The following SFXN5 variants were observed in gnomAD, a reference collection of about 807,000 sequenced individuals.
SFXN5 encodes sideroflexin-5.
SFXN5 carries 43 observed loss-of-function variants against 50.2 expected under a neutral mutation model. That is an observed-to-expected ratio of 0.86 (90% CI 0.67 to 1.11). SFXN5 has a LOEUF of 1.11. SFXN5 is among the 50% of genes least tolerant of loss of function. The pLI, the probability that SFXN5 is intolerant of heterozygous loss-of-function variation, is 0.00. For synonymous variants in SFXN5, 203 were observed against 185.8 expected, an observed-to-expected ratio of 1.09 and a Z score of -0.75; for missense variants, 463 against 454.1, an observed-to-expected ratio of 1.02 and a Z score of -0.18.
Position 72,943,261 on chromosome 2 carries a change from C to G in SFXN5, c.*1761G>C, listed in dbSNP as rs1040510489. 11 of 152,354 alleles carry G rather than the reference C, an allele frequency of 7.2e-5. No individual in the cohort carries two copies. The highest frequency in any genetic ancestry group is 1.5e-4 in the Non-Finnish European group (10 of 68,142). The allele number at this position is 152,354 out of a possible 1,614,324, so 9.4% of individuals were successfully genotyped here. On this transcript the variant is annotated 3_prime_UTR_variant, in exon 14 of 14. Coordinates refer to ENST00000272433, the MANE Select transcript of SFXN5 (RefSeq NM_144579.3). ...ACGGCCATGCCCATGGAAGGCCCAC[C>G]TCAGCACACTTCCCCTACCCTAAGA...
intron 6 of SFXN5, among the ~76,000 whole-genome samples, chr2:73,003,275 C>G (rs2105709909): frequency 6.6e-6 from 1 of 152,292 alleles, no homozygotes; most frequent in South Asian, 2.1e-4. Flanking sequence ...ATCCCCTGAT[C>G]TGGAGTCTAC....
intron 12 of SFXN5, among the ~76,000 whole-genome samples, chr2:72,964,090 A>C (rs1426420679): frequency 6.6e-6 from 1 of 152,174 alleles, no homozygotes; most frequent in African/African-American, 2.4e-5. Flanking sequence ...AAGCCCAGGG[A>C]CCTTGGCTCT....
chr2:73,020,085 G>C (rs1676666424), intron 6 of SFXN5, 154 bp downstream of exon 6: 1 of 678,296 alleles, frequency 1.5e-6, no homozygotes, highest in East Asian at 2.8e-5. Flanking sequence ...AAGAGATGTG[G>C]TAAGAAATAC....
At chr2:72,974,046 A>G (rs1410567563) in intron 10 of SFXN5, among the ~76,000 whole-genome samples, 6 of 152,208 alleles carry the variant, frequency 3.9e-5, no homozygotes, top group Non-Finnish European at 8.8e-5. Flanking sequence ...TGGGGACTTG[A>G]GCCATTGCCA....
chr2:72,959,743 G>C (rs1469817243), intron 13 of SFXN5, among the ~76,000 whole-genome samples: 1 of 152,050 alleles, frequency 6.6e-6, no homozygotes, highest in Non-Finnish European at 1.5e-5. Context: ...AAATCGTCCT[G>C]TCAGCGTCCT....
intron 10 of SFXN5, 83 bp downstream of exon 10, chr2:72,988,175 G>A: frequency 7.7e-7 from 1 of 1,303,712 alleles, no homozygotes; most frequent in South Asian, 1.3e-5. Context: ...GGAGAGGTGT[G>A]GAAGGGTCAT....
At chr2:73,050,392 G>GCGCACACACACACACACA (rs138589339) in intron 2 of SFXN5, among the ~76,000 whole-genome samples, 7 of 146,508 alleles carry the variant, frequency 4.8e-5, no homozygotes, top group Non-Finnish European at 7.5e-5. Context: ...CACAGCGCAC[G>GCGCACACACACACACACA]CACACACACA....
chr2:73,007,402 G>T (rs905812574), intron 6 of SFXN5, among the ~76,000 whole-genome samples: 1 of 151,912 alleles, frequency 6.6e-6, no homozygotes, highest in South Asian at 2.1e-4. Flanking sequence ...CCCCATTTCT[G>T]CTTGGCTAAT....
chr2:72,982,421 G>C (rs111356620), intron 10 of SFXN5, among the ~76,000 whole-genome samples: 2 of 152,364 alleles, frequency 1.3e-5, no homozygotes, highest in African/African-American at 4.8e-5. Context: ...GGCCACCACT[G>C]TCATCAGGGT....
chr2:72,988,288 T>A lies in SFXN5; in HGVS notation c.595A>T (p.Ile199Phe). Residue 199 changes from isoleucine (I) to phenylalanine (F), a missense_variant, in exon 10 of 14, where the codon ATC (isoleucine) becomes TTC (phenylalanine). Ile to Phe is a conservative substitution (Grantham distance 21, BLOSUM62 0). Coordinates refer to ENST00000272433, the MANE Select transcript of SFXN5 (RefSeq NM_144579.3). The part of the protein sequence containing the change: ...NKFTPATRLL[I>F]QRFVPFPAVA... The stretch of plus-strand genomic sequence containing the variant: ...GCAGGGAACGGCACAAACCTCTGGA[T>A]GAGAAGGCGGGTGGCTGGGGTGAAC... The A allele has an allele frequency of 1.2e-6, 2 of 1,613,862 alleles. No homozygotes were observed. The highest frequency in any genetic ancestry group is 8.5e-7 in the Non-Finnish European group (1 of 1,179,836).
intron 13 of SFXN5, among the ~76,000 whole-genome samples, chr2:72,956,639 G>A (rs1304931389): frequency 2.0e-5 from 3 of 152,132 alleles, no homozygotes; most frequent in Non-Finnish European, 1.5e-5. Flanking sequence ...TTTCCTCATT[G>A]GTAAACAAGG....
rs1274096019 is a variant in SFXN5 at position 72,950,825 on chromosome 2, G to C, written c.946-5726C>G. 6.6e-6 allele frequency among the ~76,000 whole-genome samples: 1 copy of C among 152,256 alleles called. No homozygotes were observed. Among genetic ancestry groups the C allele is most frequent in the Non-Finnish European group, 1.5e-5 (1 of 68,044 alleles). On this transcript the variant is annotated intron_variant, in intron 13 of 13. Coordinates refer to ENST00000272433, the MANE Select transcript of SFXN5 (RefSeq NM_144579.3). This position sits in a 1 kb window ranked among gnomAD's most constrained non-coding sequence, Gnocchi z 4.2. ...CCAGAGCCCCAGGGCAGTGGGTCGA[G>C]GGGCAGGGACTTGGCTGTGACCACA...
chr2:73,033,125 C>T (rs564701796), intron 3 of SFXN5, among the ~76,000 whole-genome samples: 69 of 152,300 alleles, frequency 4.5e-4, no homozygotes, highest in African/African-American at 1.6e-3. Flanking sequence ...TCTTTCTGAG[C>T]CTCCTCTTCC....
At chr2:73,039,317 C>A (rs1217447716) in intron 3 of SFXN5, among the ~76,000 whole-genome samples, 3 of 152,012 alleles carry the variant, frequency 2.0e-5, no homozygotes, top group African/African-American at 7.3e-5. Flanking sequence ...ATTGAAAGGC[C>A]GCGGGAGGGT....
At chr2:73,052,737 T>C (rs1441801740) in intron 2 of SFXN5, among the ~76,000 whole-genome samples, 1 of 152,210 alleles carries the variant, frequency 6.6e-6, no homozygotes, top group African/African-American at 2.4e-5. Context: ...TACAGCCTTG[T>C]CTTTAGAGAT....
intron 11 of SFXN5, among the ~76,000 whole-genome samples, chr2:72,969,023 G>C (rs534898506): frequency 6.6e-6 from 1 of 152,236 alleles, no homozygotes; most frequent in Admixed American, 6.5e-5. Flanking sequence ...GGCCAGGCTG[G>C]TCTCGAACTC....
chr2:72,973,469 G>A lies in SFXN5; in HGVS notation c.626-1784C>T. 5.9e-6 allele frequency: 1 copy of A among 169,372 alleles called. No individual in the cohort carries two copies. The highest frequency in any genetic ancestry group is 5.2e-4 in the Middle Eastern group (1 of 1,922). 10.5% of individuals were successfully genotyped at this position (169,372 alleles called of 1,614,324 possible). A position where few individuals can be genotyped will look rare whatever the true frequency, so the allele number is the denominator to read the frequency against. On this transcript the variant is annotated intron_variant, in intron 10 of 13. Transcript: ENST00000272433. This position sits in a 1 kb window ranked among gnomAD's most constrained non-coding sequence, Gnocchi z 5.5. ...AGAGGTGCTGCTAAACATCTCGCAAGGCACAGGACAGTCCCCCCACCAAAG... is the reference window on the plus strand; with the variant it reads ...AGAGGTGCTGCTAAACATCTCGCAAAGCACAGGACAGTCCCCCCACCAAAG...
intron 12 of SFXN5, among the ~76,000 whole-genome samples, chr2:72,963,062 G>A (rs569678240): frequency 6.6e-6 from 1 of 152,238 alleles, no homozygotes; most frequent in East Asian, 1.9e-4. Context: ...AACTTCTCAA[G>A]CAAGATGAGG....
Position 72,950,738 on chromosome 2 carries a change from GTC to G in SFXN5, c.946-5641_946-5640del, listed in dbSNP as rs1382091221. On this transcript the variant is annotated intron_variant, in intron 13 of 13. Coordinates refer to ENST00000272433, the MANE Select transcript of SFXN5 (RefSeq NM_144579.3). This position sits in a 1 kb window ranked among gnomAD's most constrained non-coding sequence, Gnocchi z 4.2. ...CCATGGATAAGTGAAAGTGACTCAG[GTC>G]TGAGCAAAGGCAATAAAGCATCTCT... 6.6e-6 allele frequency among the ~76,000 whole-genome samples: 1 copy of G among 152,246 alleles called. No homozygotes were observed. The highest frequency in any genetic ancestry group is 1.5e-5 in the Non-Finnish European group (1 of 68,042).
Sources: gnomAD v4.1 joint callset for allele counts (sites outside exome capture counted in the v4.1 genomes callset) on GRCh38, gnomAD v4.1.1 for gene constraint, Gnocchi (gnomAD v3.1) non-coding constraint, MANE v1.5 for transcripts, NCBI Gene and HGNC (gene_info 2026-07-23, HGNC 2026-07-21) for gene names.